The following ORC5 variants were observed in gnomAD, a reference collection of about 807,000 sequenced individuals.
ORC5 encodes the protein origin recognition complex subunit 5, also known as protein phosphatase 1, regulatory subunit 117.
ORC5 carries 39 observed loss-of-function variants against 58.8 expected under a neutral mutation model. That is an observed-to-expected ratio of 0.66 (90% CI 0.51 to 0.87). The LOEUF (loss-of-function observed/expected upper bound fraction) is 0.87, where lower values mean the gene tolerates loss of function less well. Among genes scored for constraint, ORC5 ranks in the 40% least tolerant of loss-of-function variants. ORC5 has a pLI of 0.00. For missense variants in ORC5, 493 were observed against 506.3 expected (o/e 0.97, Z 0.25); for synonymous variants, 218 against 177.6 (o/e 1.23, Z -1.81).
At chr7:104,187,040 G>A (rs1423847011) in intron 6 of ORC5, among the ~76,000 whole-genome samples, 1 of 151,818 alleles carries the variant, frequency 6.6e-6, no homozygotes, top group East Asian at 1.9e-4. Flanking sequence ...AATCTACTTT[G>A]AAATGGCTGT....
At chr7:104,156,512 T>G (rs1469565142) in intron 12 of ORC5, among the ~76,000 whole-genome samples, 2 of 151,746 alleles carry the variant, frequency 1.3e-5, no homozygotes, top group Non-Finnish European at 3.0e-5. Context: ...TATAACTTCA[T>G]TATAGAATAG....
intron 13 of ORC5, among the ~76,000 whole-genome samples, chr7:104,135,004 C>T (rs1209236088): frequency 1.3e-5 from 2 of 152,182 alleles, no homozygotes; most frequent in East Asian, 3.9e-4. Context: ...GTTCTTGCTT[C>T]CTTCTGAGGT....
chr7:104,205,084 C>CTTTTTTTTTTTTTTTTTTTTTTTTT (rs769195880), intron 1 of ORC5, among the ~76,000 whole-genome samples: 1 of 102,358 alleles, frequency 9.8e-6, no homozygotes, highest in African/African-American at 3.4e-5. Flanking sequence ...TTTAATAATA[C>CTTTTTTTTTTTTTTTTTTTTTTTTT]TCTTTTTTTT....
intron 12 of ORC5, among the ~76,000 whole-genome samples, chr7:104,158,857 G>A (rs1798974291): frequency 6.6e-6 from 1 of 151,976 alleles, no homozygotes; most frequent in African/African-American, 2.4e-5. Flanking sequence ...TGGAGAAATA[G>A]GAACACTTTT....
chr7:104,161,105 G>T lies in ORC5; in HGVS notation c.1116C>A (p.Ser372Arg). The T allele has an allele frequency of 6.2e-7, 1 of 1,604,474 alleles. No homozygotes were observed. Among genetic ancestry groups the T allele is most frequent in the South Asian group, 1.1e-5 (1 of 90,740 alleles). ...LLAILYSIVDSRVAPTANIFS... is the reference protein window; with the variant it reads ...LLAILYSIVDRRVAPTANIFS... ...AAATATTTGCTGTTGGAGCAACTCT[G>T]CTGTCCACGATACTATATAATATTG... The change falls in exon 12 of 14, where the codon AGC becomes AGA. Residue 372 changes from serine (S) to arginine (R), a missense_variant. Transcript: ENST00000297431.
At chr7:104,142,812 T>C (rs1798693782) in intron 12 of ORC5, among the ~76,000 whole-genome samples, 1 of 152,172 alleles carries the variant, frequency 6.6e-6, no homozygotes, top group East Asian at 1.9e-4. Flanking sequence ...AGATTAATTG[T>C]TTGACACCTT....
intron 13 of ORC5, among the ~76,000 whole-genome samples, chr7:104,134,412 A>T (rs1030939332): frequency 1.0e-5 from 1 of 97,294 alleles, no homozygotes; most frequent in Non-Finnish European, 1.9e-5. Context: ...AAGACACTCC[A>T]TCTCAAAAAA....
At chr7:104,170,230 G>C (rs1433674644) in intron 8 of ORC5, among the ~76,000 whole-genome samples, 1 of 152,044 alleles carries the variant, frequency 6.6e-6, no homozygotes, top group Non-Finnish European at 1.5e-5. Context: ...TATTTTTAAA[G>C]TCTAAATGCT....
chr7:104,198,757 G>C (rs1355987524), intron 3 of ORC5, among the ~76,000 whole-genome samples: 1 of 152,242 alleles, frequency 6.6e-6, no homozygotes, highest in Non-Finnish European at 1.5e-5. Flanking sequence ...GGAGCCAAAT[G>C]TTAACAGCCA....
At chr7:104,170,511 G>A (rs1158331820) in intron 8 of ORC5, among the ~76,000 whole-genome samples, 1 of 152,104 alleles carries the variant, frequency 6.6e-6, no homozygotes, top group Non-Finnish European at 1.5e-5. Context: ...CACAAGCCAG[G>A]GAATGAAGGC....
rs555081439 is a variant in ORC5 at position 104,158,211 on chromosome 7, G to C, written c.1149+2861C>G. On this transcript the variant is annotated intron_variant, in intron 12 of 13. Coordinates refer to ENST00000297431, the MANE Select transcript of ORC5 (RefSeq NM_002553.4). ...CTAAACTTCTCAGAAGCACTATCTA[G>C]CATTCATTTACAGCCTTAAGAAAGT... Among the ~76,000 whole-genome samples the C allele has an allele frequency of 1.3e-5, 2 of 152,060 alleles. 1 individual carries two copies. Among genetic ancestry groups the C allele is most frequent in the Non-Finnish European group, 2.9e-5 (2 of 68,004 alleles).
chr7:104,136,561 T>C lies in ORC5; in HGVS notation c.1262+220A>G, dbSNP rs1394412244. On this transcript the variant is annotated intron_variant, in intron 13 of 13. Coordinates refer to ENST00000297431, the MANE Select transcript of ORC5 (RefSeq NM_002553.4). The surrounding 1 kb of genome is among the most constrained non-coding windows in gnomAD (Gnocchi z 4.2). ...TCATTTATTCCAGCCTATTAAGGTT[T>C]TTCAGAATCTTGATTTTTGTCCTCT... is the stretch of plus-strand genomic sequence containing the variant. Among the ~76,000 whole-genome samples, 1 of 152,220 alleles carries C rather than the reference T, an allele frequency of 6.6e-6. No homozygotes were observed. The highest frequency in any genetic ancestry group is 1.5e-5 in the Non-Finnish European group (1 of 68,042).
chr7:104,184,058 A>G (rs763599138), intron 7 of ORC5, 25 bp from the exon 8 acceptor site: 1 of 1,597,284 alleles, frequency 6.3e-7, no homozygotes, highest in South Asian at 1.1e-5. Flanking sequence ...AGAAAATTTC[A>G]GTAATTTATA....
intron 8 of ORC5, among the ~76,000 whole-genome samples, chr7:104,174,133 C>T (rs565949405): frequency 1.3e-3 from 198 of 152,136 alleles, no homozygotes; most frequent in African/African-American, 4.4e-3. Context: ...CGTGAGCCAC[C>T]GCGCCCGGCC....
At chr7:104,139,024 C>G (rs569212180) in intron 12 of ORC5, among the ~76,000 whole-genome samples, 26 of 152,244 alleles carry the variant, frequency 1.7e-4, no homozygotes, top group Non-Finnish European at 3.2e-4. Flanking sequence ...CTCCTAATTT[C>G]TTATTTTTGT....
intron 8 of ORC5, among the ~76,000 whole-genome samples, chr7:104,175,394 T>C (rs1432259773): frequency 6.6e-6 from 1 of 152,212 alleles, no homozygotes; most frequent in Non-Finnish European, 1.5e-5. Flanking sequence ...TGAGATAAAC[T>C]TGCTGCTATG....
chr7:104,172,976 C>A, intron 8 of ORC5, among the ~76,000 whole-genome samples: 1 of 122,516 alleles, frequency 8.2e-6, no homozygotes. Context: ...CTATAGCTTT[C>A]CAGGTTAAAA....
At chr7:104,134,851 G>C (rs1217335005) in intron 13 of ORC5, among the ~76,000 whole-genome samples, 1 of 152,110 alleles carries the variant, frequency 6.6e-6, no homozygotes, top group African/African-American at 2.4e-5. Context: ...CAAAACACAG[G>C]GATGAGAGAA....
chr7:104,176,963 G>T (rs1253833442), intron 8 of ORC5, among the ~76,000 whole-genome samples: 1 of 152,136 alleles, frequency 6.6e-6, no homozygotes, highest in East Asian at 1.9e-4. Context: ...GTAACTCTTT[G>T]ATAAATAAGA....
Sources: allele counts gnomAD v4.1 joint callset (sites outside exome capture counted in the v4.1 genomes callset), GRCh38; gene constraint gnomAD v4.1.1; non-coding constraint Gnocchi (gnomAD v3.1); transcripts MANE v1.5; gene names NCBI Gene and HGNC (gene_info 2026-07-23, HGNC 2026-07-21).